Variants in SCAPER observed in about 807,000 individuals in gnomAD.
SCAPER encodes the protein S phase cyclin A-associated protein in the endoplasmic reticulum.
A neutral mutation model predicts 182.2 loss-of-function variants in SCAPER; 98 were observed. The ratio of observed to expected loss-of-function variants is 0.54; its 90% CI spans 0.46 to 0.64. SCAPER has a LOEUF of 0.64. Ranked by LOEUF, SCAPER falls within the 30% of genes least tolerant of loss-of-function variation. SCAPER has a pLI of 0.00. For missense variants in SCAPER, 1,432 were observed against 1,690.0 expected (o/e 0.85, Z 2.68); for synonymous variants, 605 against 564.6 (o/e 1.07, Z -1.01).
At chr15:76,349,596 T>C (rs2040400117) in intron 31 of SCAPER, 1 of 151,994 alleles carries the variant, frequency 6.6e-6, no homozygotes, top group Non-Finnish European at 1.5e-5. Context: ...TTATGAGGAC[T>C]TAATCTAGGC....
At chr15:76,615,370 C>T (rs977085396) in intron 22 of SCAPER, among the ~76,000 whole-genome samples, 7 of 151,534 alleles carry the variant, frequency 4.6e-5, no homozygotes, top group Non-Finnish European at 7.4e-5. Flanking sequence ...CCTTTGAACC[C>T]GGGAGGCAGA....
intron 25 of SCAPER, among the ~76,000 whole-genome samples, chr15:76,459,358 T>C (rs1200540861): frequency 6.6e-6 from 1 of 152,192 alleles, no homozygotes; most frequent in Non-Finnish European, 1.5e-5. Context: ...TATGTGTGTG[T>C]GCATATATAC....
At chr15:76,729,309 C>T (rs2060781335) in intron 16 of SCAPER, among the ~76,000 whole-genome samples, 1 of 151,436 alleles carries the variant, frequency 6.6e-6, no homozygotes, top group African/African-American at 2.4e-5. Flanking sequence ...CACACACACA[C>T]ACACACACAC....
Position 76,593,212 on chromosome 15 carries a change from C to T in SCAPER, c.2712-18928G>A, listed in dbSNP as rs1410534673. ...GGGTAAACAAAGCCACTGGGAAGTTCGAGCTGGGTGGAGGCATCATAGCTC... is the reference window on the plus strand; with the variant it reads ...GGGTAAACAAAGCCACTGGGAAGTTTGAGCTGGGTGGAGGCATCATAGCTC... On this transcript the variant is annotated intron_variant, in intron 22 of 31. Coordinates refer to ENST00000563290, the MANE Select transcript of SCAPER (RefSeq NM_020843.4). Among the ~76,000 whole-genome samples, 30 of 121,408 alleles carry T rather than the reference C, an allele frequency of 2.5e-4. 5 individuals carry two copies. Among genetic ancestry groups the T allele is most frequent in the African/African-American group, 5.5e-4 (22 of 39,698 alleles). 79.6% of individuals were successfully genotyped at this position (121,408 alleles called of 152,430 possible).
At chr15:76,368,087 GTGACAGCTAAAGAA>G (rs1398876877) in intron 29 of SCAPER, among the ~76,000 whole-genome samples, 1 of 152,214 alleles carries the variant, frequency 6.6e-6, no homozygotes, top group Non-Finnish European at 1.5e-5. Context: ...GAATGCTTGT[GTGACAGCTAAAGAA>G]TAAGCTGCCA....
At chr15:76,560,864 C>A (rs1163415653) in intron 23 of SCAPER, among the ~76,000 whole-genome samples, 2 of 152,038 alleles carry the variant, frequency 1.3e-5, no homozygotes, top group African/African-American at 2.4e-5. Context: ...CCATGTTTAT[C>A]ATAACTAGAA....
At chr15:76,557,810 C>T (rs1022453682) in intron 23 of SCAPER, among the ~76,000 whole-genome samples, 3 of 151,944 alleles carry the variant, frequency 2.0e-5, no homozygotes, top group Non-Finnish European at 4.4e-5. Flanking sequence ...ATACATAGAC[C>T]AATGGAATAG....
intron 22 of SCAPER, among the ~76,000 whole-genome samples, 161 bp from the exon 23 acceptor site, chr15:76,574,445 G>A (rs2047675076): frequency 6.6e-6 from 1 of 152,154 alleles, no homozygotes; most frequent in Non-Finnish European, 1.5e-5. Context: ...TAAAGCTAGT[G>A]TTATTTTATA....
At chr15:76,511,887 T>A (rs12915374) in intron 23 of SCAPER, among the ~76,000 whole-genome samples, 962 of 47,344 alleles carry the variant, frequency 0.02, 10 homozygotes, top group East Asian at 0.055. Flanking sequence ...ATATATATAT[T>A]TTTTTTTTTT....
intron 27 of SCAPER, among the ~76,000 whole-genome samples, chr15:76,397,800 A>G (rs1431740346): frequency 1.3e-5 from 2 of 151,960 alleles, no homozygotes; most frequent in African/African-American, 2.4e-5. Context: ...TATAGCTTCA[A>G]TCTCATCACT....
chr15:76,821,475 A>T (rs1054108340), intron 5 of SCAPER, among the ~76,000 whole-genome samples: 4 of 152,168 alleles, frequency 2.6e-5, no homozygotes, highest in African/African-American at 9.7e-5. Flanking sequence ...ACAGAAAATT[A>T]GCCAGGCATA....
At chr15:76,504,831 A>G in intron 24 of SCAPER, 28 bp downstream of exon 24, 1 of 1,546,220 alleles carries the variant, frequency 6.5e-7, no homozygotes, top group East Asian at 2.3e-5. Context: ...AATGAAACGT[A>G]AAAAATAGAT....
At chr15:76,471,190 T>G (rs2050136389) in intron 25 of SCAPER, 22 bp downstream of exon 25, 1 of 1,576,862 alleles carries the variant, frequency 6.3e-7, no homozygotes, top group Non-Finnish European at 8.6e-7. Context: ...TGCTTCTAAC[T>G]CAAAGCAATA....
chr15:76,515,524 T>TTATA (rs1474838911), intron 23 of SCAPER, among the ~76,000 whole-genome samples: 1 of 152,244 alleles, frequency 6.6e-6, no homozygotes, highest in Admixed American at 6.5e-5. Flanking sequence ...GGCAAATGGG[T>TTATA]TATATAGACA....
chr15:76,410,284 C>G (rs1375300380), intron 26 of SCAPER, among the ~76,000 whole-genome samples: 1 of 152,158 alleles, frequency 6.6e-6, no homozygotes, highest in East Asian at 1.9e-4. Flanking sequence ...TTTAAGATAA[C>G]CGTTTGTAAT....
chr15:76,453,004 A>T (rs1202657523), intron 25 of SCAPER, among the ~76,000 whole-genome samples: 4 of 152,024 alleles, frequency 2.6e-5, no homozygotes, highest in East Asian at 1.9e-4. Flanking sequence ...CTAAATTTTT[A>T]AAAAATGTTT....
chr15:76,466,890 T>C (rs992613019), intron 25 of SCAPER, among the ~76,000 whole-genome samples: 2 of 152,054 alleles, frequency 1.3e-5, no homozygotes, highest in Admixed American at 1.3e-4. Context: ...CACTGTGATA[T>C]GGTTTGGATT....
intron 20 of SCAPER, among the ~76,000 whole-genome samples, chr15:76,690,752 G>C (rs2058307949): frequency 6.6e-6 from 1 of 152,060 alleles, no homozygotes; most frequent in Non-Finnish European, 1.5e-5. Flanking sequence ...CTATGTTAGA[G>C]AAACTGCTCC....
intron 21 of SCAPER, among the ~76,000 whole-genome samples, chr15:76,647,189 A>T (rs145284174): frequency 6.4e-4 from 98 of 152,320 alleles, no homozygotes; most frequent in African/African-American, 2.2e-3. Context: ...AAATATATAA[A>T]CAGTTGAAAT....
Sources: allele counts gnomAD v4.1 joint callset (sites outside exome capture counted in the v4.1 genomes callset), GRCh38; gene constraint gnomAD v4.1.1; transcripts MANE v1.5; gene names NCBI Gene and HGNC (gene_info 2026-07-23, HGNC 2026-07-21).